PAX1: variants seen among roughly 807,000 people sequenced by gnomAD.
PAX1 encodes paired box 1.
PAX1 carries 18 observed loss-of-function variants against 35.6 expected under a neutral mutation model. The observed-to-expected ratio is 0.50, with a 90% CI of 0.35 to 0.75. The LOEUF (loss-of-function observed/expected upper bound fraction) is 0.75. Among genes scored for constraint, PAX1 ranks in the 30% least tolerant of loss-of-function variants. The pLI is 0.01. For synonymous variants in PAX1, 397 were observed against 305.2 expected, an observed-to-expected ratio of 1.30 and a Z score of -3.14; for missense variants, 760 against 661.5, an observed-to-expected ratio of 1.15 and a Z score of -1.63.
rs1984958827 is a variant in PAX1, at chr20:21,705,809, CTCCGCTGCCGCGCACAGCGCGT to C, written c.98_119del (p.Leu33ProfsTer63). 1 of 1,281,348 alleles carries C rather than the reference CTCCGCTGCCGCGCACAGCGCGT, an allele frequency of 7.8e-7. No homozygotes were observed. Among genetic ancestry groups the C allele is most frequent in the African/African-American group, 1.6e-5 (1 of 63,982 alleles). 79.4% of individuals were successfully genotyped at this position (1,281,348 alleles called of 1,614,324 possible). On this transcript the variant is annotated frameshift_variant, in exon 1 of 5. Coordinates refer to ENST00000613128, the MANE Select transcript of PAX1 (RefSeq NM_001257096.2). LOFTEE classifies it high-confidence loss of function. The stretch of plus-strand genomic sequence containing the variant: ...AGGCCCTGGAGCGGGCGGCAGCGCG[CTCCGCTGCCGCGCACAGCGCGT>C]CTCCAGCCCGCGGCTGGGCCGCCGC...
intron 4 of PAX1, among the ~76,000 whole-genome samples, chr20:21,712,976 G>A (rs1985243713): frequency 6.6e-6 from 1 of 152,232 alleles, no homozygotes; most frequent in Admixed American, 6.5e-5. Context: ...GGGCCCAGAA[G>A]TACCCACCCT....
intron 4 of PAX1, among the ~76,000 whole-genome samples, chr20:21,711,935 A>C (rs1985209699): frequency 6.6e-6 from 1 of 152,264 alleles, no homozygotes; most frequent in African/African-American, 2.4e-5. Context: ...CCTGTCCCAG[A>C]GGACAATTTA....
At chr20:21,714,435 G>A in intron 4 of PAX1, 36 bp from the exon 5 acceptor site, 2 of 1,489,126 alleles carry the variant, frequency 1.3e-6, no homozygotes, top group Non-Finnish European at 1.8e-6. Context: ...CGCGGCGCTA[G>A]GTAGTGATCC....
Position 21,708,547 on chromosome 20 carries a change from C to A in PAX1, c.917-11C>A. On this transcript the variant is annotated splice_polypyrimidine_tract_variant and intron_variant, in intron 2 of 4. Coordinates refer to ENST00000613128, the MANE Select transcript of PAX1 (RefSeq NM_001257096.2). ...GGAGGCACCTTTTAATCCGTCCTCT[C>A]TCTCCTGCAGGGGCCCTGGCTGGGA... 2 of 1,613,406 alleles carry A rather than the reference C, an allele frequency of 1.2e-6. No homozygotes were observed. Among genetic ancestry groups the A allele is most frequent in the Non-Finnish European group, 1.7e-6 (2 of 1,180,022 alleles).
Position 21,714,666 on chromosome 20 carries a change from C to A in PAX1, c.*104C>A. 6.2e-7 allele frequency: 1 copy of A among 1,603,210 alleles called. No individual in the cohort carries two copies. The highest frequency in any genetic ancestry group is 1.3e-5 in the African/African-American group (1 of 74,992). On this transcript the variant is annotated 3_prime_UTR_variant, in exon 5 of 5. Transcript: ENST00000613128. ...AATCGGCACGGGCAGGATCGGAGGA[C>A]TCGCGGAGGAGGAAGCCAGTGCCGG...
Position 21,709,255 on chromosome 20 carries a change from C to G in PAX1, c.1093C>G (p.Leu365Val). 6.2e-7 allele frequency: 1 copy of G among 1,606,576 alleles called. No homozygotes were observed. The highest frequency in any genetic ancestry group is 2.2e-5 in the East Asian group (1 of 44,848). The part of the protein sequence containing the change: ...ASTLSAVGGF[L>V]PACAYPASNQ... ...CACCCTCTCTGCCGTGGGCGGCTTT[C>G]TCCCCGCCTGCGCCTACCCGGCCTC... The change falls in exon 4 of 5, where the codon CTC becomes GTC. Residue 365 changes from leucine (L) to valine (V), a missense_variant. Leu to Val is a conservative substitution (Grantham distance 32, BLOSUM62 1). Transcript: ENST00000613128.
At chr20:21,714,358 C>T (rs1022244844) in intron 4 of PAX1, 113 bp from the exon 5 acceptor site, 7 of 735,412 alleles carry the variant, frequency 9.5e-6, no homozygotes, top group Non-Finnish European at 1.5e-5. Flanking sequence ...TCTTCCAGAG[C>T]CTTCAAGGGT....
At chr20:21,713,378 TTTTTTG>T (rs1407888366) in intron 4 of PAX1, among the ~76,000 whole-genome samples, 17 of 137,956 alleles carry the variant, frequency 1.2e-4, no homozygotes, top group African/African-American at 4.7e-4. Context: ...GTTTTCTTTT[TTTTTTG>T]TGTGTGTGTG....
At position 21,706,391 on chromosome 20, in the gene PAX1, G is replaced by A. The variant is rs747762875; in HGVS notation, c.287-47G>A. On this transcript the variant is annotated intron_variant, in intron 1 of 4. Coordinates refer to ENST00000613128, the MANE Select transcript of PAX1 (RefSeq NM_001257096.2). The surrounding 1 kb of genome is among the most constrained non-coding windows in gnomAD (Gnocchi z 5.3). Reference sequence around the variant, plus strand: ...CGTGGGGACCCTTGGCTAACCCGCCGGGTGTTTTCTCCCCCTCCGGCTCAC... The same window carrying A: ...CGTGGGGACCCTTGGCTAACCCGCCAGGTGTTTTCTCCCCCTCCGGCTCAC... 4.4e-6 allele frequency: 7 copies of A among 1,607,172 alleles called. No homozygotes were observed. The South Asian group carries it at 5.5e-5, about 13-fold the overall frequency.
intron 4 of PAX1, among the ~76,000 whole-genome samples, chr20:21,713,330 GGTCTTTA>G (rs1370731579): frequency 6.6e-6 from 1 of 151,792 alleles, no homozygotes; most frequent in African/African-American, 2.4e-5. Flanking sequence ...GTCCTGGGAA[GGTCTTTA>G]GACCTCTTTA....
rs143731938 is a variant in PAX1, at chr20:21,709,291, G to C, written c.1129G>C (p.Gly377Arg). The C allele has an allele frequency of 7.5e-6, 12 of 1,604,262 alleles. No individual in the cohort carries two copies. The highest frequency in any genetic ancestry group is 7.6e-6 in the Non-Finnish European group (9 of 1,179,456). Reference sequence around the variant, plus strand: ...CGCCTACCCGGCCTCCAACCAGCACGGCGTGTACAGCGCCCCGGGCGGCGG... The same window carrying C: ...CGCCTACCCGGCCTCCAACCAGCACCGCGTGTACAGCGCCCCGGGCGGCGG... The part of the protein sequence containing the change: ...ACAYPASNQH[G>R]VYSAPGGGYL... Residue 377 changes from glycine to arginine, a missense_variant, in exon 4 of 5, where the codon GGC becomes CGC. Physicochemically the swap from Gly to Arg is moderately radical, Grantham distance 125. Coordinates refer to ENST00000613128, the MANE Select transcript of PAX1 (RefSeq NM_001257096.2).
At position 21,714,862 on chromosome 20, in the gene PAX1, T is replaced by C; in HGVS notation, c.*300T>C. 1.4e-6 allele frequency: 2 copies of C among 1,419,510 alleles called. No individual in the cohort carries two copies. Among genetic ancestry groups the C allele is most frequent in the East Asian group, 2.3e-5 (1 of 43,798 alleles). 87.9% of individuals were successfully genotyped at this position (1,419,510 alleles called of 1,614,324 possible). A position where few individuals can be genotyped will look rare whatever the true frequency, so the allele number is the denominator to read the frequency against. ...CGTGGCCTCCTTCGCTCTGCCAGCT[T>C]CAAATTTCTTTTTTGTCACTCCCTT... is the stretch of plus-strand genomic sequence containing the variant. On this transcript the variant is annotated 3_prime_UTR_variant, in exon 5 of 5. Transcript: ENST00000613128.
rs748734587 is a variant in PAX1, at chr20:21,706,292, C to A, written c.287-146C>A. Reference sequence around the variant, plus strand: ...CTCCAAGCCAGACCCAGGCGGTTTGCCCTTGGACTCCGAGCTGTCTGGGGA... The same window carrying A: ...CTCCAAGCCAGACCCAGGCGGTTTGACCTTGGACTCCGAGCTGTCTGGGGA... On this transcript the variant is annotated intron_variant, in intron 1 of 4. Coordinates refer to ENST00000613128, the MANE Select transcript of PAX1 (RefSeq NM_001257096.2). This position sits in a 1 kb window ranked among gnomAD's most constrained non-coding sequence, Gnocchi z 5.3. 2 of 1,119,110 alleles carry A rather than the reference C, an allele frequency of 1.8e-6. No homozygotes were observed. Among genetic ancestry groups the A allele is most frequent in the Admixed American group, 1.8e-5 (1 of 54,460 alleles). 69.3% of individuals were successfully genotyped at this position (1,119,110 alleles called of 1,614,324 possible).
chr20:21,705,896 C>CGCG lies in PAX1; in HGVS notation c.197_199dup (p.Gly66dup), dbSNP rs778840655. 2.6e-5 allele frequency: 37 copies of CGCG among 1,398,564 alleles called. No individual in the cohort carries two copies. The East Asian group carries it at 3.9e-4, about 15-fold the overall frequency. 86.6% of individuals were successfully genotyped at this position (1,398,564 alleles called of 1,614,324 possible). On this transcript the variant is annotated inframe_insertion, in exon 1 of 5. Transcript: ENST00000613128. ...GGGCGCCCTCCCTCTATGCCTCTCA[C>CGCG]GCGGCGGCGGCGGCGCCCAAGCTCT...
Position 21,705,671 on chromosome 20 carries a change from G to T in PAX1, c.-42G>T. On this transcript the variant is annotated 5_prime_UTR_variant, in exon 1 of 5. Transcript: ENST00000613128. ...TGGAGGACACGTCAAATTGATTCCC[G>T]CACGCTGCAGCCTCCCGGTCAGACG... is the stretch of plus-strand genomic sequence containing the variant. 1.6e-6 allele frequency: 2 copies of T among 1,222,202 alleles called. No individual in the cohort carries two copies. The highest frequency in any genetic ancestry group is 4.2e-5 in the South Asian group (1 of 24,010). 75.7% of individuals were successfully genotyped at this position (1,222,202 alleles called of 1,614,324 possible).
rs1985047327 is a variant in PAX1 at position 21,707,176 on chromosome 20, C to T, written c.916+109C>T. On this transcript the variant is annotated intron_variant, in intron 2 of 4. Coordinates refer to ENST00000613128, the MANE Select transcript of PAX1 (RefSeq NM_001257096.2). ...TCTCCTCCCGGGACCGGTTCTGGCTCAGGGGAGGGCTCCACACTGGCCAGG... is the reference window on the plus strand; with the variant it reads ...TCTCCTCCCGGGACCGGTTCTGGCTTAGGGGAGGGCTCCACACTGGCCAGG... 3.6e-6 allele frequency: 5 copies of T among 1,376,414 alleles called. No individual in the cohort carries two copies. The South Asian group carries it at 6.1e-5, about 17-fold the overall frequency. 85.3% of individuals were successfully genotyped at this position (1,376,414 alleles called of 1,614,324 possible).
chr20:21,708,409 T>A (rs897756778), intron 2 of PAX1, 149 bp from the exon 3 acceptor site: 5 of 898,310 alleles, frequency 5.6e-6, no homozygotes, highest in Non-Finnish European at 9.4e-6. Context: ...AACATTCCAG[T>A]CCCTGCCGCC....
At position 21,706,273 on chromosome 20, in the gene PAX1, G is replaced by A; in HGVS notation, c.287-165G>A. The A allele has an allele frequency of 1.0e-6, 1 of 975,800 alleles. No homozygotes were observed. Among genetic ancestry groups the A allele is most frequent in the Non-Finnish European group, 1.6e-6 (1 of 630,486 alleles). The allele number at this position is 975,800 out of a possible 1,614,324, so 60.4% of individuals were successfully genotyped here. On this transcript the variant is annotated intron_variant, in intron 1 of 4. Transcript: ENST00000613128. This position sits in a 1 kb window ranked among gnomAD's most constrained non-coding sequence, Gnocchi z 5.3. ...TCCTCTGCGCCCTTGCCCACTCCAAGCCAGACCCAGGCGGTTTGCCCTTGG... is the reference window on the plus strand; with the variant it reads ...TCCTCTGCGCCCTTGCCCACTCCAAACCAGACCCAGGCGGTTTGCCCTTGG...
chr20:21,708,892 G>A (rs1817776542), intron 3 of PAX1, among the ~76,000 whole-genome samples, 192 bp downstream of exon 3: 3 of 152,144 alleles, frequency 2.0e-5, no homozygotes, highest in Admixed American at 1.3e-4. Context: ...ACTTTAGAGG[G>A]GTTGACTTGC....
Sources: allele counts gnomAD v4.1 joint callset (sites outside exome capture counted in the v4.1 genomes callset), GRCh38; gene constraint gnomAD v4.1.1; non-coding constraint Gnocchi (gnomAD v3.1); transcripts MANE v1.5; gene names NCBI Gene and HGNC (gene_info 2026-07-23, HGNC 2026-07-21).